Variants in RBFOX1 observed in about 807,000 individuals in gnomAD.
RBFOX1 encodes the protein RNA binding protein fox-1 homolog 1.
RBFOX1 carries 8 observed loss-of-function variants against 57.7 expected under a neutral mutation model. The observed-to-expected ratio is 0.14, with a 90% CI of 0.08 to 0.25. The LOEUF is 0.25. Among genes scored for constraint, RBFOX1 ranks in the 10% least tolerant of loss-of-function variants. RBFOX1 has a pLI of 1.00. For missense variants in RBFOX1, 611 were observed against 548.5 expected, an observed-to-expected ratio of 1.11 and a Z score of -1.14; for synonymous variants, 326 against 222.4, an observed-to-expected ratio of 1.47 and a Z score of -4.15.
At chr16:6,413,511 C>T (rs1307356822) in intron 2 of RBFOX1, among the ~76,000 whole-genome samples, 3 of 151,950 alleles carry the variant, frequency 2.0e-5, no homozygotes, top group East Asian at 1.9e-4. Flanking sequence ...AATTTTTAGT[C>T]GGCTATCATT....
intron 1 of RBFOX1, among the ~76,000 whole-genome samples, chr16:6,238,063 T>C (rs62015128): frequency 0.2 from 27,904 of 139,930 alleles, 3,364 homozygotes; most frequent in African/African-American, 0.35. Flanking sequence ...TGTACTCCAG[T>C]CTGGGTGACA....
At chr16:7,594,969 G>C (rs568807028) in intron 7 of RBFOX1, among the ~76,000 whole-genome samples, 17 of 152,036 alleles carry the variant, frequency 1.1e-4, no homozygotes, top group Admixed American at 9.8e-4. Context: ...TATAAAAAAG[G>C]TCTTTCCTTT....
chr16:6,309,010 C>A (rs959336208), intron 1 of RBFOX1, among the ~76,000 whole-genome samples: 2 of 151,996 alleles, frequency 1.3e-5, no homozygotes, highest in African/African-American at 4.8e-5. Context: ...AAAAGACTTA[C>A]CTCTCTCCTC....
At chr16:5,442,205 G>A (rs1363810183) in intron 1 of RBFOX1, among the ~76,000 whole-genome samples, 1 of 152,192 alleles carries the variant, frequency 6.6e-6, no homozygotes, top group Non-Finnish European at 1.5e-5. Context: ...TGATTTAGTG[G>A]GAACACATTT....
intron 1 of RBFOX1, among the ~76,000 whole-genome samples, chr16:6,289,920 A>G (rs1327287520): frequency 6.6e-6 from 1 of 152,136 alleles, no homozygotes; most frequent in East Asian, 1.9e-4. Flanking sequence ...AGAAATCTGA[A>G]TGCCTTTGAT....
chr16:7,418,120 C>T (rs563376334), intron 4 of RBFOX1, among the ~76,000 whole-genome samples: 3 of 152,300 alleles, frequency 2.0e-5, no homozygotes, highest in Admixed American at 6.5e-5. Flanking sequence ...CTCTCCCCCA[C>T]GGCCAACCTA....
At chr16:7,346,741 G>C (rs1380688872) in intron 4 of RBFOX1, among the ~76,000 whole-genome samples, 3 of 152,064 alleles carry the variant, frequency 2.0e-5, no homozygotes, top group Non-Finnish European at 4.4e-5. Context: ...GCTTCCTGTG[G>C]GTTGACTGAA....
chr16:5,322,280 G>A (rs2064431982), intron 1 of RBFOX1, among the ~76,000 whole-genome samples: 1 of 152,294 alleles, frequency 6.6e-6, no homozygotes, highest in Non-Finnish European at 1.5e-5. Flanking sequence ...GATGGCTGAG[G>A]ATTTCTCAGA....
At chr16:7,298,822 T>G (rs1045230304) in intron 4 of RBFOX1, among the ~76,000 whole-genome samples, 1 of 152,170 alleles carries the variant, frequency 6.6e-6, no homozygotes, top group Non-Finnish European at 1.5e-5. Context: ...ATCTTTGTCA[T>G]TTTACATGAG....
rs573680909 is a variant in RBFOX1 at position 7,637,598 on chromosome 16, A to G, written c.757+6915A>G. The stretch of plus-strand genomic sequence containing the variant: ...TTACGGCTTCCTTTTTCTTCTGCAC[A>G]ATACAGAAAATGTCAGTGGGCTGGA... On this transcript the variant is annotated intron_variant, in intron 11 of 15. Transcript: ENST00000550418. 5.4e-4 allele frequency among the ~76,000 whole-genome samples: 82 copies of G among 152,338 alleles called. 2 individuals are homozygous for G. In the South Asian group the frequency reaches 0.017, roughly 31 times the overall value.
intron 4 of RBFOX1, among the ~76,000 whole-genome samples, chr16:5,984,976 A>ATATATATATAT (rs1359064334): frequency 7.2e-5 from 4 of 55,700 alleles, no homozygotes; most frequent in African/African-American, 3.5e-4. Flanking sequence ...ATATATATAT[A>ATATATATATAT]TTTTTTTTTT....
rs2043580709 is a variant in RBFOX1 at position 5,511,270 on chromosome 16, G to C, written c.258+44016G>C. ...AACTGAGATGCTTGACGTGACTTCAGAGATCTGGTTTGAGGTCTTTTCAAA... is the reference window on the plus strand; with the variant it reads ...AACTGAGATGCTTGACGTGACTTCACAGATCTGGTTTGAGGTCTTTTCAAA... On this transcript the variant is annotated intron_variant, in intron 2 of 2. Transcript: ENST00000585867. Among the ~76,000 whole-genome samples the C allele has an allele frequency of 2.0e-5, 3 of 152,210 alleles. No homozygotes were observed. In the South Asian group the frequency reaches 6.2e-4, roughly 32 times the overall value.
At chr16:6,579,585 T>C (rs753687248) in intron 2 of RBFOX1, among the ~76,000 whole-genome samples, 80 of 152,176 alleles carry the variant, frequency 5.3e-4, no homozygotes, top group Non-Finnish European at 1.1e-3. Flanking sequence ...GCTGCTGCCA[T>C]GTGAAGAAAA....
intron 4 of RBFOX1, among the ~76,000 whole-genome samples, chr16:7,360,138 T>G (rs1244218292): frequency 6.6e-6 from 1 of 152,212 alleles, no homozygotes; most frequent in African/African-American, 2.4e-5. Context: ...GGATGGAACT[T>G]TATCTCATGT....
chr16:7,351,295 C>T (rs2097125988), intron 4 of RBFOX1, among the ~76,000 whole-genome samples: 1 of 152,202 alleles, frequency 6.6e-6, no homozygotes, highest in African/African-American at 2.4e-5. Flanking sequence ...TTTTCTATGT[C>T]AAAGGGTAGT....
chr16:7,133,110 A>G (rs889960829), intron 4 of RBFOX1, among the ~76,000 whole-genome samples: 5 of 152,232 alleles, frequency 3.3e-5, no homozygotes, highest in African/African-American at 9.6e-5. Flanking sequence ...TATGGTTTGT[A>G]TGCATCAAAA....
At chr16:7,104,269 C>G (rs534617432) in intron 4 of RBFOX1, among the ~76,000 whole-genome samples, 5 of 152,230 alleles carry the variant, frequency 3.3e-5, no homozygotes, top group African/African-American at 7.2e-5. Flanking sequence ...CCTCTTCACA[C>G]TCACACCCAT....
intron 2 of RBFOX1, among the ~76,000 whole-genome samples, chr16:6,617,613 C>T (rs138968081): frequency 7.2e-5 from 11 of 152,206 alleles, no homozygotes; most frequent in Middle Eastern, 6.8e-3. Context: ...CAAAGATTTA[C>T]TAAATGCTTT....
chr16:6,904,849 G>A (rs923993938), intron 3 of RBFOX1, among the ~76,000 whole-genome samples: 2 of 152,074 alleles, frequency 1.3e-5, no homozygotes, highest in African/African-American at 4.8e-5. Flanking sequence ...GAATTGTTTT[G>A]TTCTGCGTTG....
Sources: allele counts gnomAD v4.1 joint callset (sites outside exome capture counted in the v4.1 genomes callset), GRCh38; gene constraint gnomAD v4.1.1; transcripts MANE v1.5; gene names NCBI Gene and HGNC (gene_info 2026-07-23, HGNC 2026-07-21).